Variants in KCNN2 observed in about 807,000 individuals in gnomAD.
KCNN2 encodes the protein small conductance calcium-activated potassium channel protein 2.
A neutral mutation model predicts 55.5 loss-of-function variants in KCNN2; 24 were observed. The observed-to-expected ratio is 0.43, with a 90% CI of 0.31 to 0.61. The LOEUF (loss-of-function observed/expected upper bound fraction) is 0.61. KCNN2 is among the 20% of genes least tolerant of loss of function. The pLI is 0.08. For missense variants in KCNN2, 754 were observed against 853.6 expected, an observed-to-expected ratio of 0.88 and a Z score of 1.45; for synonymous variants, 431 against 336.1, an observed-to-expected ratio of 1.28 and a Z score of -3.09.
chr5:114,075,088 G>T (rs1280648834), intron 1 of KCNN2, among the ~76,000 whole-genome samples: 1 of 152,182 alleles, frequency 6.6e-6, no homozygotes, highest in Non-Finnish European at 1.5e-5. Flanking sequence ...TAAGAAATGT[G>T]TATTATGTGA....
chr5:114,489,168 T>A (rs903488865), intron 6 of KCNN2: 1 of 152,190 alleles, frequency 6.6e-6, no homozygotes, highest in Non-Finnish European at 1.5e-5. Context: ...CATCTTGTAA[T>A]ATAAGACTCT....
intron 1 of KCNN2, among the ~76,000 whole-genome samples, chr5:114,114,648 A>T (rs908436122): frequency 6.6e-6 from 1 of 152,128 alleles, no homozygotes; most frequent in Non-Finnish European, 1.5e-5. Context: ...GTGATTGTAC[A>T]GTTTATTCTG....
intron 1 of KCNN2, among the ~76,000 whole-genome samples, chr5:114,065,777 A>G (rs1750432026): frequency 6.9e-6 from 1 of 144,072 alleles, no homozygotes; most frequent in Non-Finnish European, 1.5e-5. Flanking sequence ...TGCATGCTTT[A>G]TATCTTCCAA....
intron 2 of KCNN2, among the ~76,000 whole-genome samples, chr5:114,292,907 A>G (rs1226927050): frequency 1.3e-5 from 2 of 152,286 alleles, no homozygotes; most frequent in African/African-American, 4.8e-5. Flanking sequence ...GGTCCTTCAC[A>G]TCCCTTGTAA....
chr5:114,311,823 T>C (rs1756395732), intron 2 of KCNN2, among the ~76,000 whole-genome samples: 2 of 152,160 alleles, frequency 1.3e-5, no homozygotes, highest in African/African-American at 4.8e-5. Context: ...ATTTGAAAGA[T>C]TGGACCAGTT....
At chr5:114,471,827 A>G (rs939215262) in intron 4 of KCNN2, among the ~76,000 whole-genome samples, 1 of 152,168 alleles carries the variant, frequency 6.6e-6, no homozygotes, top group Non-Finnish European at 1.5e-5. Context: ...CATGATCATA[A>G]TGATCAGGTC....
chr5:114,348,438 A>T (rs533558986), intron 2 of KCNN2, among the ~76,000 whole-genome samples: 3 of 152,122 alleles, frequency 2.0e-5, no homozygotes, highest in African/African-American at 7.2e-5. Flanking sequence ...TAATAATAAA[A>T]AGAAGCCATT....
chr5:114,128,611 T>C (rs1290332786), intron 1 of KCNN2, among the ~76,000 whole-genome samples: 2 of 152,230 alleles, frequency 1.3e-5, no homozygotes, highest in African/African-American at 4.8e-5. Flanking sequence ...ATTTAACTCA[T>C]AACAGTAATT....
At chr5:114,477,134 A>G (rs892114841) in intron 5 of KCNN2, among the ~76,000 whole-genome samples, 1 of 107,384 alleles carries the variant, frequency 9.3e-6, no homozygotes, top group African/African-American at 2.8e-5. Context: ...TCCCTGAAAC[A>G]TTATCTAGAA....
At chr5:114,312,434 C>CATATATAT (rs59964515) in intron 2 of KCNN2, among the ~76,000 whole-genome samples, 25 of 23,384 alleles carry the variant, frequency 1.1e-3, no homozygotes, top group Admixed American at 1.7e-3. Flanking sequence ...CACACACACA[C>CATATATAT]ATATATATAT....
intron 2 of KCNN2, among the ~76,000 whole-genome samples, chr5:114,284,118 C>T (rs1240124882): frequency 6.6e-6 from 1 of 152,156 alleles, no homozygotes; most frequent in African/African-American, 2.4e-5. Flanking sequence ...GCTTTTTCTA[C>T]AAAGGCAATT....
Position 114,301,688 on chromosome 5 carries a change from G to C in KCNN2, c.-184-59257G>C, listed in dbSNP as rs140358987. Among the ~76,000 whole-genome samples, 546 of 152,266 alleles carry C rather than the reference G, an allele frequency of 3.6e-3. 3 individuals carry two copies. Among genetic ancestry groups the C allele is most frequent in the Middle Eastern group, 0.024 (7 of 294 alleles). ...TCCAGACAGCACTTCTGCCAGACAG[G>C]AGTCTGAGTCCTGGGTAGCCTTTTG... On this transcript the variant is annotated intron_variant, in intron 2 of 10. Coordinates refer to the KCNN2 transcript ENST00000512097.
At chr5:114,197,839 G>A (rs866390712) in intron 1 of KCNN2, among the ~76,000 whole-genome samples, 5 of 152,258 alleles carry the variant, frequency 3.3e-5, no homozygotes, top group Middle Eastern at 3.4e-3. Flanking sequence ...GATGTAATGG[G>A]CCAGGTCATG....
intron 2 of KCNN2, among the ~76,000 whole-genome samples, chr5:114,297,044 A>G (rs1461522349): frequency 6.6e-6 from 1 of 152,226 alleles, no homozygotes; most frequent in African/African-American, 2.4e-5. Flanking sequence ...GTTTTGTAGT[A>G]TTTGAATTCT....
At chr5:114,075,955 A>G (rs1442713108) in intron 1 of KCNN2, among the ~76,000 whole-genome samples, 1 of 152,184 alleles carries the variant, frequency 6.6e-6, no homozygotes, top group Non-Finnish European at 1.5e-5. Context: ...AGAAACACCT[A>G]GTTGTTCCCA....
In KCNN2 at chr5:114,120,700, T is replaced by A. The variant is rs553731702; in HGVS notation, c.-271+64200T>A. 9.8e-5 allele frequency among the ~76,000 whole-genome samples: 15 copies of A among 152,332 alleles called. No homozygotes were observed. In the South Asian group the frequency reaches 2.7e-3, roughly 27 times the overall value. ...GGAGATGGGGAGGCAACATGGTAAGTGACTAATACCTATCTAGGCTTTAGT... is the reference window on the plus strand; with the variant it reads ...GGAGATGGGGAGGCAACATGGTAAGAGACTAATACCTATCTAGGCTTTAGT... On this transcript the variant is annotated intron_variant, in intron 1 of 10. Transcript: ENST00000512097.
intron 1 of KCNN2, among the ~76,000 whole-genome samples, chr5:114,148,249 G>A (rs1273612592): frequency 1.3e-5 from 2 of 152,142 alleles, no homozygotes; most frequent in Non-Finnish European, 2.9e-5. Flanking sequence ...ATCGTGGAGG[G>A]GGAGGGCATA....
chr5:114,196,718 C>A (rs1753565221), intron 1 of KCNN2, among the ~76,000 whole-genome samples: 1 of 152,014 alleles, frequency 6.6e-6, no homozygotes. Flanking sequence ...TAGCAACTTA[C>A]ATCTACTTTG....
chr5:114,216,464 T>A (rs1483819917), intron 1 of KCNN2, among the ~76,000 whole-genome samples: 1 of 152,192 alleles, frequency 6.6e-6, no homozygotes, highest in Non-Finnish European at 1.5e-5. Context: ...TCTCACAATG[T>A]TGTCATTGGA....
Sources: gnomAD v4.1 joint callset for allele counts (sites outside exome capture counted in the v4.1 genomes callset) on GRCh38, gnomAD v4.1.1 for gene constraint, MANE v1.5 for transcripts, NCBI Gene and HGNC (gene_info 2026-07-23, HGNC 2026-07-21) for gene names.